PDE1C: variants seen among roughly 807,000 people sequenced by gnomAD.
PDE1C encodes phosphodiesterase 1C.
In PDE1C, 62 loss-of-function variants were observed where a neutral mutation model predicts 93.1. The observed-to-expected ratio is 0.67, with a 90% CI of 0.54 to 0.82. The LOEUF is 0.82. Among genes scored for constraint, PDE1C ranks in the 40% least tolerant of loss-of-function variants. PDE1C has a pLI of 0.00. For missense variants in PDE1C, 742 were observed against 884.6 expected, an observed-to-expected ratio of 0.84 and a Z score of 2.04; for synonymous variants, 325 against 310.1, an observed-to-expected ratio of 1.05 and a Z score of -0.50.
chr7:32,347,159 C>G (rs1783868498), intron 1 of PDE1C, among the ~76,000 whole-genome samples: 1 of 152,154 alleles, frequency 6.6e-6, no homozygotes, highest in Admixed American at 6.5e-5. Context: ...TCTAGCCCAG[C>G]CAGGCAAGGT....
intron 16 of PDE1C, among the ~76,000 whole-genome samples, chr7:31,797,139 T>C (rs1174681697): frequency 1.3e-5 from 2 of 151,096 alleles, no homozygotes; most frequent in Non-Finnish European, 3.0e-5. Flanking sequence ...GTCACAGGAG[T>C]TTTCATGGAC....
the PDE1C span, among the ~76,000 whole-genome samples, chr7:31,737,864 T>C: frequency 2.9e-4 from 44 of 151,060 alleles, no homozygotes; most frequent in Admixed American, 2.5e-3. Flanking sequence ...CTAGTTTTGA[T>C]CATCATAAAT....
At chr7:32,116,546 A>G (rs992176727) in intron 3 of PDE1C, among the ~76,000 whole-genome samples, 4 of 152,170 alleles carry the variant, frequency 2.6e-5, no homozygotes, top group South Asian at 4.1e-4. Flanking sequence ...AGGTGCATAC[A>G]TATGTAAAAC....
intron 2 of PDE1C, among the ~76,000 whole-genome samples, chr7:32,009,064 A>G (rs1287151102): frequency 6.6e-6 from 1 of 152,242 alleles, no homozygotes; most frequent in African/African-American, 2.4e-5. Flanking sequence ...CAGTGACTAG[A>G]TTTATCCTCC....
chr7:32,180,761 T>C (rs1428747692), intron 2 of PDE1C, among the ~76,000 whole-genome samples: 1 of 152,212 alleles, frequency 6.6e-6, no homozygotes, highest in East Asian at 1.9e-4. Context: ...AACATATACC[T>C]CTGGCATTTG....
At chr7:31,721,146 C>A in the PDE1C span, among the ~76,000 whole-genome samples, 2 of 152,136 alleles carry the variant, frequency 1.3e-5, no homozygotes, top group Non-Finnish European at 2.9e-5. Flanking sequence ...GTATCTGAAG[C>A]TCAGCCCTTA....
intron 9 of PDE1C, 63 bp downstream of exon 9, chr7:31,847,905 T>A (rs372179653): frequency 1.9e-6 from 3 of 1,560,470 alleles, no homozygotes; most frequent in Non-Finnish European, 2.6e-6. Context: ...AAAAACAGCA[T>A]ACTTCATCCA....
intron 11 of PDE1C, among the ~76,000 whole-genome samples, chr7:31,829,706 T>C (rs1790133999): frequency 6.6e-6 from 1 of 152,134 alleles, no homozygotes; most frequent in African/African-American, 2.4e-5. Flanking sequence ...CCTCTTCCTA[T>C]ATAGACACCC....
At chr7:32,160,492 T>G (rs1801847189) in intron 3 of PDE1C, among the ~76,000 whole-genome samples, 1 of 152,172 alleles carries the variant, frequency 6.6e-6, no homozygotes, top group Admixed American at 6.5e-5. Context: ...TCCCTATTAA[T>G]TCATAAGAAT....
chr7:31,844,834 CT>C lies in PDE1C; in HGVS notation c.980+3133del, dbSNP rs533687117. 9.2e-4 allele frequency among the ~76,000 whole-genome samples: 140 copies of C among 152,126 alleles called. 1 individual carries two copies. Among genetic ancestry groups the C allele is most frequent in the Admixed American group, 9.0e-3 (138 of 15,258 alleles). On this transcript the variant is annotated intron_variant, in intron 9 of 17. Coordinates refer to ENST00000396191, the MANE Select transcript of PDE1C (RefSeq NM_001191057.4). ...CCTAACTTCTACTCATTTAAAACAG[CT>C]TTTTCCTCTTACTTTTTCAAATCAA...
rs1259173941 is a variant in PDE1C at position 31,786,949 on chromosome 7, CTATCTATCATCT to C, written c.1892-11229_1892-11218del. ...TCTATCTATCTATCTATCTATCTAT[CTATCTATCATCT>C]ATCTATCTATCTATCTACCTACCTA... On this transcript the variant is annotated intron_variant, in intron 16 of 17. Transcript: ENST00000396191. 442 of 115,224 alleles carry C rather than the reference CTATCTATCATCT, an allele frequency of 3.8e-3. 2 individuals carry two copies. Among genetic ancestry groups the C allele is most frequent in the African/African-American group, 0.017 (355 of 21,206 alleles). 7.1% of individuals were successfully genotyped at this position (115,224 alleles called of 1,614,324 possible).
chr7:32,389,211 T>TTTGA (rs1201574128), intron 1 of PDE1C, among the ~76,000 whole-genome samples: 1 of 119,990 alleles, frequency 8.3e-6, no homozygotes, highest in East Asian at 2.1e-4. Flanking sequence ...TTTTTGTTTG[T>TTTGA]TTGTTTGTTT....
At chr7:32,399,146 A>G (rs1408956867) in intron 1 of PDE1C, among the ~76,000 whole-genome samples, 3 of 152,226 alleles carry the variant, frequency 2.0e-5, no homozygotes, top group Non-Finnish European at 4.4e-5. Context: ...GGAGCTGGGA[A>G]GAGGTGTGCT....
At chr7:32,051,602 T>A in intron 1 of PDE1C, 22 bp from the exon 2 acceptor site, 1 of 1,611,504 alleles carries the variant, frequency 6.2e-7, no homozygotes, top group Non-Finnish European at 8.5e-7. Flanking sequence ...GGCATAAACA[T>A]ATATCAGAAA....
At chr7:31,936,182 G>A (rs1805037676) in intron 2 of PDE1C, among the ~76,000 whole-genome samples, 1 of 151,990 alleles carries the variant, frequency 6.6e-6, no homozygotes, top group Non-Finnish European at 1.5e-5. Context: ...ATCACACATG[G>A]CTATATACTC....
intron 1 of PDE1C, among the ~76,000 whole-genome samples, chr7:32,280,793 G>A (rs1172887245): frequency 6.6e-6 from 1 of 152,196 alleles, no homozygotes; most frequent in African/African-American, 2.4e-5. Flanking sequence ...CTCGAGACCA[G>A]CCTGAGCCAC....
intron 3 of PDE1C, among the ~76,000 whole-genome samples, chr7:32,086,154 A>G (rs1457453826): frequency 2.1e-5 from 3 of 141,436 alleles, no homozygotes; most frequent in Admixed American, 7.0e-5. Flanking sequence ...ACTTCAGCAA[A>G]GTCTCAGGAT....
intron 17 of PDE1C, among the ~76,000 whole-genome samples, chr7:31,771,352 T>C (rs1382033262): frequency 3.3e-5 from 5 of 152,190 alleles, no homozygotes; most frequent in Admixed American, 3.3e-4. Context: ...TATACCAGGG[T>C]TCACATTTCT....
At chr7:31,944,930 A>C (rs1423855237) in intron 2 of PDE1C, among the ~76,000 whole-genome samples, 1 of 152,184 alleles carries the variant, frequency 6.6e-6, no homozygotes, top group Non-Finnish European at 1.5e-5. Flanking sequence ...GAAAAATTGC[A>C]AAGAAAATAC....
Sources: gnomAD v4.1 joint callset for allele counts (sites outside exome capture counted in the v4.1 genomes callset) on GRCh38, gnomAD v4.1.1 for gene constraint, MANE v1.5 for transcripts, NCBI Gene and HGNC (gene_info 2026-07-23, HGNC 2026-07-21) for gene names.